The following PSD3 variants were observed in gnomAD, a reference collection of about 807,000 sequenced individuals.
PSD3 encodes pleckstrin and Sec7 domain containing 3, also known as PH and SEC7 domain-containing protein 3.
In PSD3, 49 loss-of-function variants were observed where a neutral mutation model predicts 105.5. That is an observed-to-expected ratio of 0.46 (90% CI 0.37 to 0.59). The LOEUF is 0.59. Ranked by LOEUF, PSD3 falls within the 20% of genes least tolerant of loss-of-function variation. PSD3 has a pLI of 0.00. For missense variants in PSD3, 1,561 were observed against 1,263.8 expected, an observed-to-expected ratio of 1.24 and a Z score of -3.57; for synonymous variants, 557 against 457.8, an observed-to-expected ratio of 1.22 and a Z score of -2.77.
intron 1 of PSD3, among the ~76,000 whole-genome samples, chr8:19,026,701 CAAA>C (rs10669321): frequency 4.7e-4 from 39 of 82,234 alleles, no homozygotes; most frequent in African/African-American, 1.2e-3. Context: ...CACATCTCTA[CAAA>C]AAAAAAAAAA....
chr8:18,561,681 A>T (rs1031078433), intron 14 of PSD3, among the ~76,000 whole-genome samples: 18 of 152,222 alleles, frequency 1.2e-4, no homozygotes, highest in Middle Eastern at 3.2e-3. Flanking sequence ...TTATATGGTC[A>T]ATTAAAATTG....
At chr8:19,034,980 C>T (rs771183825) in intron 1 of PSD3, among the ~76,000 whole-genome samples, 8 of 151,718 alleles carry the variant, frequency 5.3e-5, no homozygotes, top group Non-Finnish European at 1.0e-4. Context: ...ATTCTAATGC[C>T]ACTCTTCTAG....
At chr8:18,858,361 G>C (rs1816186067) in intron 4 of PSD3, among the ~76,000 whole-genome samples, 1 of 152,150 alleles carries the variant, frequency 6.6e-6, no homozygotes, top group Admixed American at 6.5e-5. Context: ...TAATCTTTTT[G>C]CTGATGGAAG....
At chr8:18,914,422 A>T (rs1258892251) in intron 2 of PSD3, among the ~76,000 whole-genome samples, 1 of 152,178 alleles carries the variant, frequency 6.6e-6, no homozygotes, top group African/African-American at 2.4e-5. Context: ...AGGAATAAGT[A>T]AAATGGTCTC....
At chr8:19,061,343 T>C (rs1002284735) in intron 1 of PSD3, among the ~76,000 whole-genome samples, 3 of 151,978 alleles carry the variant, frequency 2.0e-5, no homozygotes, top group African/African-American at 7.3e-5. Flanking sequence ...AAGGATATAG[T>C]GAAAAATTTA....
intron 1 of PSD3, among the ~76,000 whole-genome samples, chr8:19,051,911 T>G (rs1486098850): frequency 6.6e-6 from 1 of 152,194 alleles, no homozygotes; most frequent in Non-Finnish European, 1.5e-5. Context: ...GTAGATTAAT[T>G]AACTCCAGGA....
At chr8:18,977,259 C>CA (rs36071554) in intron 1 of PSD3, among the ~76,000 whole-genome samples, 65,640 of 113,050 alleles carry the variant, frequency 0.58, 20,077 homozygotes, top group Middle Eastern at 0.75. Flanking sequence ...CACCCTATCT[C>CA]AAAAAAAAAA....
chr8:18,946,860 G>C (rs1273977126), intron 1 of PSD3, among the ~76,000 whole-genome samples: 2 of 151,296 alleles, frequency 1.3e-5, no homozygotes, highest in Non-Finnish European at 2.9e-5. Flanking sequence ...AGCTGAGATT[G>C]TGCCACTGCA....
At chr8:18,856,416 A>T (rs1055899245) in intron 4 of PSD3, among the ~76,000 whole-genome samples, 1 of 152,194 alleles carries the variant, frequency 6.6e-6, no homozygotes, top group African/African-American at 2.4e-5. Context: ...CTGAGTCCCA[A>T]AACGTAGAAC....
At chr8:18,731,886 C>T (rs1803778567) in intron 9 of PSD3, among the ~76,000 whole-genome samples, 1 of 152,178 alleles carries the variant, frequency 6.6e-6, no homozygotes, top group African/African-American at 2.4e-5. Context: ...GATCCTTCTG[C>T]TTTGTTTTCT....
intron 1 of PSD3, among the ~76,000 whole-genome samples, chr8:19,047,176 T>C (rs1322352834): frequency 1.3e-5 from 2 of 152,186 alleles, no homozygotes; most frequent in South Asian, 2.1e-4. Context: ...AGAAATTCAG[T>C]GCCACTCAGC....
chr8:19,080,113 T>C (rs993459909), intron 1 of PSD3, among the ~76,000 whole-genome samples: 5 of 152,138 alleles, frequency 3.3e-5, no homozygotes, highest in Admixed American at 2.0e-4. Flanking sequence ...GAACTCAGAC[T>C]CCTGACTTCA....
chr8:18,631,722 C>T (rs1399169408), intron 11 of PSD3, among the ~76,000 whole-genome samples: 2 of 151,822 alleles, frequency 1.3e-5, no homozygotes, highest in Non-Finnish European at 2.9e-5. Flanking sequence ...TCTTAAAGAA[C>T]TTGGGAACAT....
chr8:19,060,043 A>C (rs760466228), intron 1 of PSD3, among the ~76,000 whole-genome samples: 23 of 152,196 alleles, frequency 1.5e-4, no homozygotes, highest in Non-Finnish European at 3.1e-4. Flanking sequence ...AATGTCACTG[A>C]CCTTTCAAAT....
intron 1 of PSD3, among the ~76,000 whole-genome samples, chr8:19,055,985 C>T (rs1586674536): frequency 6.6e-6 from 1 of 152,218 alleles, no homozygotes. Context: ...TCCTTAAAGA[C>T]ACATTCTGCT....
At chr8:18,726,737 C>G (rs1029712333) in intron 9 of PSD3, among the ~76,000 whole-genome samples, 2 of 152,206 alleles carry the variant, frequency 1.3e-5, no homozygotes, top group Middle Eastern at 3.2e-3. Context: ...ATCTCAGATT[C>G]AGCTTATGCA....
intron 4 of PSD3, among the ~76,000 whole-genome samples, chr8:18,856,962 C>G (rs1816059682): frequency 6.6e-6 from 1 of 152,154 alleles, no homozygotes; most frequent in South Asian, 2.1e-4. Flanking sequence ...AAATTTGAAC[C>G]AAAGCACTCC....
chr8:18,772,806 G>A (rs542951759), intron 8 of PSD3, among the ~76,000 whole-genome samples: 22 of 152,096 alleles, frequency 1.4e-4, no homozygotes, highest in Admixed American at 9.2e-4. Context: ...CACTGCGCCC[G>A]GCCCTTGTGA....
At chr8:18,892,618 C>T (rs1011980149) in intron 2 of PSD3, among the ~76,000 whole-genome samples, 2 of 148,966 alleles carry the variant, frequency 1.3e-5, no homozygotes, top group South Asian at 2.1e-4. Context: ...CAATATTATC[C>T]TAATTTTCTT....
Sources: allele counts gnomAD v4.1 joint callset (sites outside exome capture counted in the v4.1 genomes callset), GRCh38; gene constraint gnomAD v4.1.1; transcripts MANE v1.5; gene names NCBI Gene and HGNC (gene_info 2026-07-23, HGNC 2026-07-21).